CARMIL1: variants seen among roughly 807,000 people sequenced by gnomAD.
CARMIL1 encodes the protein capping protein regulator and myosin 1 linker 1.
In CARMIL1, 90 loss-of-function variants were observed where a neutral mutation model predicts 177.1. The ratio of observed to expected loss-of-function variants is 0.51; its 90% CI spans 0.43 to 0.61. CARMIL1 has a LOEUF of 0.61. Among genes scored for constraint, CARMIL1 ranks in the 20% least tolerant of loss-of-function variants. The pLI, the probability that CARMIL1 is intolerant of heterozygous loss-of-function variation, is 0.00. For synonymous variants in CARMIL1, 577 were observed against 606.2 expected (o/e 0.95, Z 0.71); for missense variants, 1,380 against 1,667.0 (o/e 0.83, Z 3.00).
intron 31 of CARMIL1, among the ~76,000 whole-genome samples, chr6:25,584,040 T>TA (rs1562309999): frequency 6.8e-6 from 1 of 147,864 alleles, no homozygotes; most frequent in African/African-American, 2.5e-5. Flanking sequence ...TTTTTTTTTT[T>TA]TTTTTGAGAC....
chr6:25,459,219 T>TTTCC lies in CARMIL1; in HGVS notation c.615-6651_615-6650insCTTC, dbSNP rs1562166969. Among the ~76,000 whole-genome samples, 11 of 63,890 alleles carry TTTCC rather than the reference T, an allele frequency of 1.7e-4. No homozygotes were observed. The South Asian group carries it at 4.8e-3, about 28-fold the overall frequency. The allele number at this position is 63,890 out of a possible 152,430, so 41.9% of individuals were successfully genotyped here. On this transcript the variant is annotated intron_variant, in intron 8 of 36. Coordinates refer to ENST00000329474, the MANE Select transcript of CARMIL1 (RefSeq NM_017640.6). ...AATAAGGATCCCAACTTTTTCTTTCTTTCTTTCTTTCTTTCTTTCTTTCTT... is the reference window on the plus strand; with the variant it reads ...AATAAGGATCCCAACTTTTTCTTTCTTTCCTTCTTTCTTTCTTTCTTTCTTTCTT...
In CARMIL1 at chr6:25,558,087, A is replaced by G. The variant is rs1381704823; in HGVS notation, c.2742+1237A>G. On this transcript the variant is annotated intron_variant, in intron 29 of 36. Coordinates refer to ENST00000329474, the MANE Select transcript of CARMIL1 (RefSeq NM_017640.6). This position sits in a 1 kb window ranked among gnomAD's most constrained non-coding sequence, Gnocchi z 4.1. ...CATCTTATTATAACATTTATATTTCATAAGTATTTTGAGTTTGTTTGCCTT... is the reference window on the plus strand; with the variant it reads ...CATCTTATTATAACATTTATATTTCGTAAGTATTTTGAGTTTGTTTGCCTT... 6.6e-6 allele frequency among the ~76,000 whole-genome samples: 1 copy of G among 152,204 alleles called. No individual in the cohort carries two copies. Among genetic ancestry groups the G allele is most frequent in the African/African-American group, 2.4e-5 (1 of 41,466 alleles).
chr6:25,465,601 C>T, intron 8 of CARMIL1: 1 of 389,170 alleles, frequency 2.6e-6, no homozygotes, highest in Non-Finnish European at 4.6e-6. Flanking sequence ...TAGGATTTCT[C>T]TCAGAGCAAG....
In CARMIL1 at chr6:25,594,524, C is replaced by T. The variant is rs1438217866; in HGVS notation, c.3116C>T (p.Ser1039Phe). 1 of 1,565,088 alleles carries T rather than the reference C, an allele frequency of 6.4e-7. No individual in the cohort carries two copies. Among genetic ancestry groups the T allele is most frequent in the South Asian group, 1.1e-5 (1 of 89,608 alleles). ...ACCAAGAAGGTGACCAAAATGGATT[C>T]CAAGTGAGTTCAGAGTAATTTCACT... is the stretch of plus-strand genomic sequence containing the variant. ...FFTKKVTKMD[S>F]KKWSTRGSES... is the part of the protein sequence containing the mutation. Residue 1039 changes from serine to phenylalanine, a missense_variant, in exon 32 of 37, where the codon TCC becomes TTC. By Grantham distance (155) the Ser-to-Phe change is radical. Coordinates refer to ENST00000329474, the MANE Select transcript of CARMIL1 (RefSeq NM_017640.6).
At chr6:25,375,175 G>A (rs2150454935) in intron 2 of CARMIL1, among the ~76,000 whole-genome samples, 1 of 152,260 alleles carries the variant, frequency 6.6e-6, no homozygotes, top group African/African-American at 2.4e-5. Flanking sequence ...AGTATTTCTT[G>A]TAGGGTTGGT....
chr6:25,309,766 CT>C (rs34514583), intron 2 of CARMIL1, among the ~76,000 whole-genome samples: 35,865 of 115,180 alleles, frequency 0.31, 3,598 homozygotes, highest in Middle Eastern at 0.38. Context: ...TATACCACAT[CT>C]TTTTTTTTTT....
At chr6:25,403,863 A>T (rs963029897) in intron 2 of CARMIL1, among the ~76,000 whole-genome samples, 1 of 152,182 alleles carries the variant, frequency 6.6e-6, no homozygotes, top group African/African-American at 2.4e-5. Context: ...TGTTTTACTT[A>T]TTTATTCCTG....
intron 26 of CARMIL1, among the ~76,000 whole-genome samples, chr6:25,549,818 A>G (rs888184359): frequency 2.6e-5 from 4 of 152,216 alleles, no homozygotes; most frequent in Non-Finnish European, 5.9e-5. Context: ...GTTTCTTATC[A>G]TTAAGAACAG....
rs1173036687 is a variant in CARMIL1 at position 25,581,391 on chromosome 6, C to G, written c.2958C>G (p.Thr986=). 41 of 1,613,294 alleles carry G rather than the reference C, an allele frequency of 2.5e-5. No homozygotes were observed. The highest frequency in any genetic ancestry group is 3.1e-5 in the Non-Finnish European group (37 of 1,179,670). ...AGGGGAAGAAGCTGGAACACTTTAC[C>G]AAGTTAAGGCCAAAAAGGAATAAGA... ...SEEGKKLEHF[T]KLRPKRNKKQ... Residue 986 remains threonine (T), a synonymous_variant, in exon 31 of 37, where the codon ACC becomes ACG. Transcript: ENST00000329474.
chr6:25,335,486 A>G (rs1012787306), intron 2 of CARMIL1, among the ~76,000 whole-genome samples: 2 of 152,224 alleles, frequency 1.3e-5, no homozygotes, highest in Non-Finnish European at 2.9e-5. Flanking sequence ...TTCTGTGTAT[A>G]GTTGTACTGT....
intron 36 of CARMIL1, among the ~76,000 whole-genome samples, chr6:25,615,119 G>A (rs55883446): frequency 0.13 from 20,341 of 152,218 alleles, 1,522 homozygotes; most frequent in Middle Eastern, 0.18. Flanking sequence ...TGAGAACTGC[G>A]TAGCAGTCTG....
intron 2 of CARMIL1, among the ~76,000 whole-genome samples, chr6:25,381,068 A>C (rs1340732003): frequency 1.3e-5 from 2 of 152,142 alleles, no homozygotes; most frequent in African/African-American, 4.8e-5. Context: ...TAGTTGCCAA[A>C]ATTCCTAGTC....
chr6:25,281,134 G>GCA lies in CARMIL1; in HGVS notation c.40+1300_40+1301insAC, dbSNP rs1305000773. ...CACAGACGCACGCGCGTGTGCGCGC[G>GCA]CGCACACACACACACACACACACAC... On this transcript the variant is annotated intron_variant, in intron 1 of 36. Coordinates refer to ENST00000329474, the MANE Select transcript of CARMIL1 (RefSeq NM_017640.6). Among the ~76,000 whole-genome samples the GCA allele has an allele frequency of 1.5e-3, 104 of 67,936 alleles. 1 individual carries two copies. The highest frequency in any genetic ancestry group is 2.1e-3 in the Admixed American group (12 of 5,804). The allele number at this position is 67,936 out of a possible 152,430, so 44.6% of individuals were successfully genotyped here. A position where few individuals can be genotyped will look rare whatever the true frequency, so the allele number is the denominator to read the frequency against.
At chr6:25,362,838 C>A (rs1029230429) in intron 2 of CARMIL1, among the ~76,000 whole-genome samples, 1 of 152,000 alleles carries the variant, frequency 6.6e-6, no homozygotes, top group Non-Finnish European at 1.5e-5. Flanking sequence ...AGTTTGAAAC[C>A]AGCCTGGCCA....
At chr6:25,398,897 A>G (rs942416937) in intron 2 of CARMIL1, among the ~76,000 whole-genome samples, 14 of 152,166 alleles carry the variant, frequency 9.2e-5, no homozygotes, top group African/African-American at 3.1e-4. Flanking sequence ...ACTCTTATCA[A>G]TGTTGTTGGG....
At chr6:25,376,240 C>T (rs1790962970) in intron 2 of CARMIL1, among the ~76,000 whole-genome samples, 1 of 152,112 alleles carries the variant, frequency 6.6e-6, no homozygotes, top group African/African-American at 2.4e-5. Flanking sequence ...CCACCATGCC[C>T]AGCTAATTTT....
chr6:25,470,751 G>A (rs1801026187), intron 9 of CARMIL1, among the ~76,000 whole-genome samples: 2 of 152,106 alleles, frequency 1.3e-5, no homozygotes, highest in Admixed American at 1.3e-4. Context: ...TAAGTGGAAG[G>A]GGCAAGATAG....
intron 12 of CARMIL1, among the ~76,000 whole-genome samples, chr6:25,483,032 G>A (rs1311463705): frequency 6.6e-6 from 1 of 152,094 alleles, no homozygotes; most frequent in Non-Finnish European, 1.5e-5. Flanking sequence ...GATAAACTCT[G>A]CTGAGATGTG....
At chr6:25,343,532 T>C (rs1474671079) in intron 2 of CARMIL1, among the ~76,000 whole-genome samples, 1 of 152,060 alleles carries the variant, frequency 6.6e-6, no homozygotes, top group African/African-American at 2.4e-5. Context: ...TCAGAAGCAA[T>C]CTCATCACAC....
Sources: gnomAD v4.1 joint callset for allele counts (sites outside exome capture counted in the v4.1 genomes callset) on GRCh38, gnomAD v4.1.1 for gene constraint, Gnocchi (gnomAD v3.1) non-coding constraint, MANE v1.5 for transcripts, NCBI Gene and HGNC (gene_info 2026-07-23, HGNC 2026-07-21) for gene names.